SPON1: variants seen among roughly 807,000 people sequenced by gnomAD.
SPON1 encodes the protein spondin 1.
Under a neutral mutation model 111.7 loss-of-function variants are expected in SPON1, and 52 were observed. The observed-to-expected ratio is 0.47, with a 90% CI of 0.37 to 0.59. The LOEUF (loss-of-function observed/expected upper bound fraction) is 0.59, where lower values mean the gene tolerates loss of function less well. SPON1 is among the 20% of genes least tolerant of loss of function. SPON1 has a pLI of 0.00. For missense variants in SPON1, 957 were observed against 1,068.5 expected (o/e 0.90, Z 1.46); for synonymous variants, 410 against 395.8 (o/e 1.04, Z -0.43).
At position 14,140,040 on chromosome 11, in the gene SPON1, A is replaced by AATTAAC. The variant is rs1324473351; in HGVS notation, c.825+4474_825+4479dup. Among the ~76,000 whole-genome samples, 5 of 152,268 alleles carry AATTAAC rather than the reference A, an allele frequency of 3.3e-5. No individual in the cohort carries two copies. In the South Asian group the frequency reaches 8.3e-4, roughly 25 times the overall value. On this transcript the variant is annotated intron_variant, in intron 6 of 15. Coordinates refer to ENST00000576479, the MANE Select transcript of SPON1 (RefSeq NM_006108.4). ...GACCACTTTGTCTCTACTCAGACGAAATTAACAAAGTGGGAGAGGCACATA... is the reference window on the plus strand; with the variant it reads ...GACCACTTTGTCTCTACTCAGACGAAATTAACATTAACAAAGTGGGAGAGGCACATA...
intron 5 of SPON1, among the ~76,000 whole-genome samples, chr11:14,099,652 G>T (rs1554924206): frequency 6.6e-6 from 1 of 152,002 alleles, no homozygotes; most frequent in African/African-American, 2.4e-5. Context: ...TTACATCTTT[G>T]TTCCTAATTT....
chr11:14,129,880 C>T (rs1847507274), intron 5 of SPON1, among the ~76,000 whole-genome samples: 1 of 152,122 alleles, frequency 6.6e-6, no homozygotes, highest in African/African-American at 2.4e-5. Flanking sequence ...CAGCAGGAGA[C>T]AGCAAGAATG....
chr11:14,076,357 A>G (rs745382319), intron 4 of SPON1, among the ~76,000 whole-genome samples: 10 of 152,234 alleles, frequency 6.6e-5, no homozygotes, highest in Non-Finnish European at 1.2e-4. Context: ...ATAGCAAAGT[A>G]TAAGCTACTA....
At chr11:14,127,115 C>G (rs934430177) in intron 5 of SPON1, among the ~76,000 whole-genome samples, 8 of 152,090 alleles carry the variant, frequency 5.3e-5, no homozygotes, top group African/African-American at 1.9e-4. Context: ...TATTTATTGA[C>G]CCTATTTTAT....
intron 6 of SPON1, among the ~76,000 whole-genome samples, chr11:14,214,414 C>G (rs1282619507): frequency 6.6e-6 from 1 of 152,188 alleles, no homozygotes; most frequent in African/African-American, 2.4e-5. Flanking sequence ...GGCTCCTTAC[C>G]AGAATGGAGA....
intron 5 of SPON1, among the ~76,000 whole-genome samples, chr11:14,086,314 T>G (rs1053184073): frequency 6.6e-6 from 1 of 152,194 alleles, no homozygotes; most frequent in Non-Finnish European, 1.5e-5. Context: ...TTTTGAGATA[T>G]GTTCTATCAA....
chr11:14,195,599 C>T (rs1250292791), intron 6 of SPON1, among the ~76,000 whole-genome samples: 1 of 152,160 alleles, frequency 6.6e-6, no homozygotes, highest in Non-Finnish European at 1.5e-5. Flanking sequence ...AGCACAATTA[C>T]AAGATCAAAT....
At chr11:14,181,451 A>G (rs1159020241) in intron 6 of SPON1, among the ~76,000 whole-genome samples, 4 of 152,180 alleles carry the variant, frequency 2.6e-5, no homozygotes, top group Non-Finnish European at 4.4e-5. Context: ...ACCACCTATG[A>G]CTTTCTCTCC....
chr11:14,090,318 T>G (rs1554923137), intron 5 of SPON1, among the ~76,000 whole-genome samples: 1 of 152,104 alleles, frequency 6.6e-6, no homozygotes, highest in Non-Finnish European at 1.5e-5. Flanking sequence ...TCTCTTGGTC[T>G]GCGGATTGCA....
chr11:14,071,781 A>G (rs986818819), intron 3 of SPON1, among the ~76,000 whole-genome samples: 8 of 151,936 alleles, frequency 5.3e-5, no homozygotes, highest in African/African-American at 1.7e-4. Flanking sequence ...GTGCAATCTC[A>G]GCTCACTGCA....
At chr11:14,122,187 T>TATTTATTG (rs1488053324) in intron 5 of SPON1, among the ~76,000 whole-genome samples, 2 of 152,066 alleles carry the variant, frequency 1.3e-5, no homozygotes, top group Non-Finnish European at 2.9e-5. Context: ...TTTATTTATT[T>TATTTATTG]ATTTTGAGAT....
intron 2 of SPON1, among the ~76,000 whole-genome samples, chr11:13,996,820 A>G (rs1591344837): frequency 6.6e-6 from 1 of 152,142 alleles, no homozygotes; most frequent in Admixed American, 6.5e-5. Context: ...GGAACATTAT[A>G]TTGTGAACAT....
chr11:13,964,501 C>G (rs1430853506), intron 1 of SPON1, among the ~76,000 whole-genome samples: 14 of 152,224 alleles, frequency 9.2e-5, no homozygotes, highest in Admixed American at 7.9e-4. Flanking sequence ...GCGCTTTTCC[C>G]CCTTTCCCGG....
At chr11:14,056,432 T>G (rs1490386387) in intron 3 of SPON1, among the ~76,000 whole-genome samples, 3 of 152,164 alleles carry the variant, frequency 2.0e-5, no homozygotes, top group Non-Finnish European at 2.9e-5. Context: ...ATTTTAAAGG[T>G]CGTTTTTCAA....
At chr11:14,264,493 G>C (rs1554942238) in intron 15 of SPON1, among the ~76,000 whole-genome samples, 35 of 152,204 alleles carry the variant, frequency 2.3e-4, no homozygotes, top group Admixed American at 3.9e-4. Flanking sequence ...TGTACATCAA[G>C]TTTTCTGATT....
intron 2 of SPON1, among the ~76,000 whole-genome samples, chr11:13,998,027 AAC>A (rs1403988811): frequency 6.6e-6 from 1 of 152,178 alleles, no homozygotes; most frequent in Non-Finnish European, 1.5e-5. Context: ...CTTTCACAAC[AAC>A]ACACACAGTG....
chr11:14,093,966 C>G (rs1554923640), intron 5 of SPON1, among the ~76,000 whole-genome samples: 1 of 152,152 alleles, frequency 6.6e-6, no homozygotes, highest in African/African-American at 2.4e-5. Context: ...GATCCCAGCA[C>G]TTTGGGAGGC....
chr11:13,965,529 T>G (rs1263202340), intron 1 of SPON1, among the ~76,000 whole-genome samples: 1 of 151,946 alleles, frequency 6.6e-6, no homozygotes, highest in Admixed American at 6.6e-5. Flanking sequence ...GGATAGGGAG[T>G]GTCCTGGACT....
At chr11:14,235,128 C>T (rs1002699880) in intron 6 of SPON1, among the ~76,000 whole-genome samples, 26 of 152,196 alleles carry the variant, frequency 1.7e-4, no homozygotes, top group Admixed American at 1.0e-3. Context: ...GCTCCTCCAG[C>T]GCCTCCAGCT....
Sources: allele counts gnomAD v4.1 joint callset (sites outside exome capture counted in the v4.1 genomes callset), GRCh38; gene constraint gnomAD v4.1.1; transcripts MANE v1.5; gene names NCBI Gene and HGNC (gene_info 2026-07-23, HGNC 2026-07-21).